ATP7B: variants seen among roughly 807,000 people sequenced by gnomAD.
ATP7B encodes copper-transporting ATPase 2.
Under a neutral mutation model 118.9 loss-of-function variants are expected in ATP7B, and 113 were observed. That is an observed-to-expected ratio of 0.95 (90% CI 0.82 to 1.11). The LOEUF (loss-of-function observed/expected upper bound fraction) is 1.11, where lower values mean the gene tolerates loss of function less well. ATP7B is among the 50% of genes most tolerant of loss of function. The pLI is 0.00. For synonymous variants in ATP7B, 777 were observed against 727.4 expected, an observed-to-expected ratio of 1.07 and a Z score of -1.10; for missense variants, 1,867 against 1,871.4, an observed-to-expected ratio of 1.00 and a Z score of 0.04.
At chr13:52,008,642 T>C (rs1179441072) in intron 1 of ATP7B, among the ~76,000 whole-genome samples, 1 of 152,232 alleles carries the variant, frequency 6.6e-6, no homozygotes, top group African/African-American at 2.4e-5. Context: ...AGAAGCTCTA[T>C]GTCAGGAACT....
At chr13:51,952,613 A>C (rs1958078988) in intron 9 of ATP7B, among the ~76,000 whole-genome samples, 1 of 152,228 alleles carries the variant, frequency 6.6e-6, no homozygotes, top group Non-Finnish European at 1.5e-5. Context: ...ACAAAATTGA[A>C]CATACATGCC....
intron 1 of ATP7B, among the ~76,000 whole-genome samples, chr13:51,985,400 C>T (rs1481055017): frequency 6.6e-6 from 1 of 152,194 alleles, no homozygotes; most frequent in Non-Finnish European, 1.5e-5. Context: ...AATACAGGAA[C>T]ACCCAGATTC....
rs192821834 is a variant in ATP7B, at chr13:51,988,969, T to C, written c.52-13801A>G. Among the ~76,000 whole-genome samples, 738 of 152,148 alleles carry C rather than the reference T, an allele frequency of 4.9e-3. 6 individuals carry two copies. Among genetic ancestry groups the C allele is most frequent in the African/African-American group, 0.016 (671 of 41,494 alleles). On this transcript the variant is annotated intron_variant, in intron 1 of 20. Coordinates refer to ENST00000242839, the MANE Select transcript of ATP7B (RefSeq NM_000053.4). ...ATACCTAATGTAGATGACGGTTTGA[T>C]GGGTGCAGCAAACCACCATGACACG...
At chr13:51,973,241 G>A (rs148463012) in intron 2 of ATP7B, among the ~76,000 whole-genome samples, 1 of 152,112 alleles carries the variant, frequency 6.6e-6, no homozygotes, top group South Asian at 2.1e-4. Context: ...GGGCCTGGAT[G>A]GTCCCACAGT....
At chr13:51,999,334 C>T (rs1953374771) in intron 1 of ATP7B, among the ~76,000 whole-genome samples, 1 of 152,134 alleles carries the variant, frequency 6.6e-6, no homozygotes, top group Admixed American at 6.5e-5. Flanking sequence ...GCTTCTCCTC[C>T]CCATATCGCT....
intron 8 of ATP7B, 165 bp from the exon 9 acceptor site, chr13:51,957,772 A>G: frequency 9.0e-6 from 6 of 667,920 alleles, no homozygotes; most frequent in South Asian, 4.8e-5. Flanking sequence ...TCCACCACAC[A>G]TGGCCACATG....
chr13:52,004,777 G>A (rs942634188), intron 1 of ATP7B, among the ~76,000 whole-genome samples: 1 of 152,112 alleles, frequency 6.6e-6, no homozygotes, highest in African/African-American at 2.4e-5. Flanking sequence ...ATGACTGATG[G>A]TACTGCCCTA....
intron 4 of ATP7B, chr13:51,966,729 G>A (rs1037847854): frequency 8.3e-6 from 13 of 1,573,546 alleles, no homozygotes; most frequent in Admixed American, 5.6e-5. Context: ...ACGCCAGCCC[G>A]CCCGCACCCA....
At chr13:51,983,790 C>G (rs945956639) in intron 1 of ATP7B, among the ~76,000 whole-genome samples, 4 of 152,146 alleles carry the variant, frequency 2.6e-5, no homozygotes, top group African/African-American at 9.7e-5. Flanking sequence ...GGACCTCCAG[C>G]AAACTCTAGC....
chr13:51,948,613 T>C (rs1265747967), intron 12 of ATP7B, among the ~76,000 whole-genome samples: 1 of 152,244 alleles, frequency 6.6e-6, no homozygotes, highest in East Asian at 1.9e-4. Flanking sequence ...TTGTAGGGCC[T>C]GTGATGTGCC....
Position 51,968,500 on chromosome 13 carries a change from A to G in ATP7B, c.1651T>C (p.Phe551Leu), listed in dbSNP as rs1418778828. The change falls in exon 4 of 21, where the codon TTT becomes CTT. Residue 551 changes from phenylalanine to leucine, a missense_variant. Phe to Leu is a conservative substitution (Grantham distance 22). Coordinates refer to ENST00000242839, the MANE Select transcript of ATP7B (RefSeq NM_000053.4). The stretch of plus-strand genomic sequence containing the variant: ...TAGTCCTCCATGACTGCTGCCTCAA[A>G]ACCCAGGTCCTGGATGAACTGAGCT... Reference protein sequence around the residue: ...EIAQFIQDLGFEAAVMEDYAG... With the variant: ...EIAQFIQDLGLEAAVMEDYAG... 6.2e-6 allele frequency: 10 copies of G among 1,614,132 alleles called. No homozygotes were observed. The highest frequency in any genetic ancestry group is 8.5e-6 in the Non-Finnish European group (10 of 1,180,018).
intron 1 of ATP7B, 174 bp from the exon 2 acceptor site, chr13:51,975,342 A>C: frequency 1.1e-6 from 1 of 896,928 alleles, no homozygotes; most frequent in Non-Finnish European, 1.8e-6. Context: ...CTACAAAATG[A>C]AAGAGCTCTG....
At chr13:51,964,780 T>TTTTTTCTTAGCTATATTTTCTCA in intron 5 of ATP7B, 92 bp downstream of exon 5, 1 of 1,465,506 alleles carries the variant, frequency 6.8e-7, no homozygotes, top group Non-Finnish European at 9.2e-7. Context: ...GTTATTTTCA[T>TTTTTTCTTAGCTATATTTTCTCA]TTTTTCTTAG....
chr13:52,008,247 G>T (rs1199981953), intron 1 of ATP7B, among the ~76,000 whole-genome samples: 4 of 152,224 alleles, frequency 2.6e-5, no homozygotes, highest in Admixed American at 6.5e-5. Flanking sequence ...GGCTGAGGCC[G>T]GAGAATCACT....
In ATP7B at chr13:51,939,072, T is replaced by C; in HGVS notation, c.3678A>G (p.Thr1226=). ...GTACCTGGGTGGCAATAGCTCTGGC[T>C]GTCTTCCGGTTGTCCCCCGTGATCA... ...VVLITGDNRK[T]ARAIATQVGI... is the part of the protein sequence containing the mutation. The change falls in exon 17 of 21, where the codon ACA becomes ACG. Residue 1226 remains threonine (T), a synonymous_variant. Coordinates refer to ENST00000242839, the MANE Select transcript of ATP7B (RefSeq NM_000053.4). 6.2e-7 allele frequency: 1 copy of C among 1,614,272 alleles called. No homozygotes were observed. Among genetic ancestry groups the C allele is most frequent in the Non-Finnish European group, 8.5e-7 (1 of 1,180,042 alleles).
chr13:51,979,263 C>A (rs1196577770), intron 1 of ATP7B, among the ~76,000 whole-genome samples: 1 of 152,302 alleles, frequency 6.6e-6, no homozygotes, highest in Middle Eastern at 3.4e-3. Context: ...GAGAGGGCTA[C>A]AATTCTGTCA....
intron 1 of ATP7B, among the ~76,000 whole-genome samples, chr13:51,993,196 T>A (rs1953013652): frequency 6.6e-6 from 1 of 152,136 alleles, no homozygotes; most frequent in South Asian, 2.1e-4. Context: ...TTCTTTATAC[T>A]TTTTTGTATT....
At chr13:51,968,409 A>C (rs1201311125) in intron 4 of ATP7B, 35 bp downstream of exon 4, 1 of 1,614,042 alleles carries the variant, frequency 6.2e-7, no homozygotes, top group Admixed American at 1.7e-5. Context: ...AACTGTCAGA[A>C]GCCTGTAACC....
intron 1 of ATP7B, among the ~76,000 whole-genome samples, chr13:51,992,715 C>A (rs1282045222): frequency 1.3e-5 from 2 of 152,038 alleles, no homozygotes; most frequent in Non-Finnish European, 2.9e-5. Context: ...GGGTGGTTCA[C>A]GCCTGTAATC....
Sources: gnomAD v4.1 joint callset for allele counts (sites outside exome capture counted in the v4.1 genomes callset) on GRCh38, gnomAD v4.1.1 for gene constraint, MANE v1.5 for transcripts, NCBI Gene and HGNC (gene_info 2026-07-23, HGNC 2026-07-21) for gene names.